Variants in KCNMA1 observed in about 807,000 individuals in gnomAD.
KCNMA1 encodes the protein Calcium-activated potassium channel subunit alpha-1.
KCNMA1 carries 29 observed loss-of-function variants against 140.0 expected under a neutral mutation model. That is an observed-to-expected ratio of 0.21 (90% CI 0.15 to 0.28). The LOEUF is 0.28. KCNMA1 is among the 10% of genes least tolerant of loss of function. The probability of loss-of-function intolerance (pLI) is 1.00; values close to 1 mark genes in which losing one functional copy is unlikely to be tolerated. For synonymous variants in KCNMA1, 612 were observed against 611.9 expected (o/e 1.00, Z 0.00); for missense variants, 880 against 1,602.2 (o/e 0.55, Z 7.70).
intron 14 of KCNMA1, among the ~76,000 whole-genome samples, chr10:77,044,007 C>T (rs1211784120): frequency 6.6e-6 from 1 of 152,128 alleles, no homozygotes; most frequent in East Asian, 1.9e-4. Context: ...TATTTTATCA[C>T]AATTAAAAAG....
chr10:77,342,566 G>A (rs1839198736), intron 2 of KCNMA1, among the ~76,000 whole-genome samples: 1 of 152,176 alleles, frequency 6.6e-6, no homozygotes, highest in Admixed American at 6.5e-5. Context: ...TGAAGAATCA[G>A]CTCAAGCTCA....
intron 2 of KCNMA1, among the ~76,000 whole-genome samples, chr10:77,310,730 C>T (rs1180123406): frequency 6.6e-6 from 1 of 152,150 alleles, no homozygotes; most frequent in Non-Finnish European, 1.5e-5. Context: ...GTCGTGGCAG[C>T]TTATGAAATC....
chr10:77,151,152 TTTC>T (rs2098409831), intron 5 of KCNMA1, among the ~76,000 whole-genome samples: 1 of 145,722 alleles, frequency 6.9e-6, no homozygotes, highest in South Asian at 2.1e-4. Flanking sequence ...TCTTTCTTTC[TTTC>T]TTTTCTTTTC....
intron 15 of KCNMA1, among the ~76,000 whole-genome samples, chr10:77,036,954 C>T (rs1359502321): frequency 6.6e-6 from 1 of 152,192 alleles, no homozygotes; most frequent in Non-Finnish European, 1.5e-5. Flanking sequence ...TCTACCTCTG[C>T]TGTATCATTG....
At chr10:77,587,505 G>C (rs1389370178) in intron 1 of KCNMA1, among the ~76,000 whole-genome samples, 1 of 152,166 alleles carries the variant, frequency 6.6e-6, no homozygotes, top group Non-Finnish European at 1.5e-5. Flanking sequence ...AGCCAAGAGG[G>C]AGGGAACAGG....
At chr10:77,392,592 A>T (rs932046326) in intron 2 of KCNMA1, among the ~76,000 whole-genome samples, 1 of 152,228 alleles carries the variant, frequency 6.6e-6, no homozygotes, top group South Asian at 2.1e-4. Context: ...ATGAACCAAC[A>T]TATGTCCAGC....
chr10:76,918,918 T>TCTCA (rs1554918934), intron 23 of KCNMA1, among the ~76,000 whole-genome samples: 3 of 144,156 alleles, frequency 2.1e-5, no homozygotes, highest in African/African-American at 5.1e-5. Context: ...ATATATCACA[T>TCTCA]CACACACACA....
chr10:77,005,435 G>A (rs578120265), intron 18 of KCNMA1, among the ~76,000 whole-genome samples: 11 of 152,352 alleles, frequency 7.2e-5, no homozygotes, highest in African/African-American at 2.6e-4. Context: ...GAGCAGACAA[G>A]AGTGTGTCTC....
chr10:77,606,799 G>C (rs2084708338), intron 1 of KCNMA1, among the ~76,000 whole-genome samples: 1 of 152,110 alleles, frequency 6.6e-6, no homozygotes, highest in African/African-American at 2.4e-5. Flanking sequence ...GAGCCACCAA[G>C]AGTTTATCGT....
At chr10:77,393,981 G>T (rs549860596) in intron 2 of KCNMA1, among the ~76,000 whole-genome samples, 27 of 152,198 alleles carry the variant, frequency 1.8e-4, no homozygotes, top group Non-Finnish European at 3.8e-4. Context: ...CCTGTGCTAC[G>T]CTCAGTTCTG....
chr10:77,472,392 TCA>T (rs1339681765), intron 1 of KCNMA1, among the ~76,000 whole-genome samples: 1 of 95,626 alleles, frequency 1.0e-5, no homozygotes, highest in Non-Finnish European at 2.3e-5. Context: ...TATACAAACA[TCA>T]CAGACACAGA....
intron 19 of KCNMA1, among the ~76,000 whole-genome samples, chr10:76,988,390 T>G (rs1376185457): frequency 6.6e-6 from 1 of 152,030 alleles, no homozygotes; most frequent in African/African-American, 2.4e-5. Flanking sequence ...TGGCCAGACA[T>G]GGTGGTGCAC....
At chr10:77,491,177 T>C (rs1409679175) in intron 1 of KCNMA1, among the ~76,000 whole-genome samples, 1 of 152,192 alleles carries the variant, frequency 6.6e-6, no homozygotes, top group African/African-American at 2.4e-5. Flanking sequence ...TTTCTTAACT[T>C]GCTCTTAAGA....
chr10:77,338,417 G>A (rs113203828), intron 2 of KCNMA1, among the ~76,000 whole-genome samples: 1,626 of 152,242 alleles, frequency 0.011, 13 homozygotes, highest in Non-Finnish European at 0.014. Context: ...CTCTTTGCCC[G>A]GGATGGCTCT....
chr10:77,630,016 A>G (rs1243810729), intron 1 of KCNMA1, among the ~76,000 whole-genome samples: 2 of 152,178 alleles, frequency 1.3e-5, no homozygotes, highest in Non-Finnish European at 2.9e-5. Context: ...TTTCACTTTC[A>G]TCTTCTGGAA....
chr10:77,528,984 T>C (rs768574977), intron 1 of KCNMA1, among the ~76,000 whole-genome samples: 2 of 152,180 alleles, frequency 1.3e-5, no homozygotes. Flanking sequence ...CCATCTGCAG[T>C]GCTGGACGGT....
intron 1 of KCNMA1, among the ~76,000 whole-genome samples, chr10:77,567,523 G>A (rs755080026): frequency 5.9e-5 from 9 of 152,196 alleles, no homozygotes; most frequent in South Asian, 2.1e-4. Flanking sequence ...TTAATTAAAC[G>A]AGAAACTATG....
chr10:77,554,647 G>GAAA (rs2063754323), intron 1 of KCNMA1, among the ~76,000 whole-genome samples: 1 of 146,246 alleles, frequency 6.8e-6, no homozygotes, highest in African/African-American at 2.5e-5. Flanking sequence ...GAAAGAAAGA[G>GAAA]AAAGAGAAAA....
chr10:77,332,749 T>A (rs1214116452), intron 2 of KCNMA1, among the ~76,000 whole-genome samples: 1 of 152,124 alleles, frequency 6.6e-6, no homozygotes, highest in Non-Finnish European at 1.5e-5. Context: ...AGGATAGGGA[T>A]TCAAAGGAGA....
Sources: allele counts gnomAD v4.1 joint callset (sites outside exome capture counted in the v4.1 genomes callset), GRCh38; gene constraint gnomAD v4.1.1; transcripts MANE v1.5; gene names NCBI Gene and HGNC (gene_info 2026-07-23, HGNC 2026-07-21).